The following TEKT5 variants were observed in gnomAD, a reference collection of about 807,000 sequenced individuals.
The protein encoded by TEKT5 is tektin-5.
TEKT5 carries 52 observed loss-of-function variants against 48.7 expected under a neutral mutation model. That is an observed-to-expected ratio of 1.07 (90% CI 0.86 to 1.35). The LOEUF (loss-of-function observed/expected upper bound fraction) is 1.35, where lower values mean the gene tolerates loss of function less well. Ranked by LOEUF, TEKT5 falls within the 40% of genes most tolerant of loss-of-function variation. The probability of loss-of-function intolerance (pLI) is 0.00; values close to 1 mark genes in which losing one functional copy is unlikely to be tolerated. For synonymous variants in TEKT5, 318 were observed against 267.6 expected (o/e 1.19, Z -1.84); for missense variants, 831 against 641.6 (o/e 1.30, Z -3.19).
At chr16:10,645,227 G>C (rs1228510485) in intron 5 of TEKT5, among the ~76,000 whole-genome samples, 6 of 152,268 alleles carry the variant, frequency 3.9e-5, no homozygotes, top group Admixed American at 3.9e-4. Context: ...ATGATTTGTA[G>C]GTCAGGCACA....
intron 5 of TEKT5, among the ~76,000 whole-genome samples, chr16:10,636,667 G>A (rs1362095946): frequency 4.8e-5 from 7 of 146,562 alleles, no homozygotes; most frequent in African/African-American, 1.8e-4. Flanking sequence ...CTTCATCTGG[G>A]TTTTTTCATA....
At chr16:10,647,646 C>T (rs1051020195) in intron 5 of TEKT5, among the ~76,000 whole-genome samples, 2 of 130,322 alleles carry the variant, frequency 1.5e-5, no homozygotes, top group Non-Finnish European at 3.4e-5. Context: ...TTTCTTTGTT[C>T]ACTTTCTCCA....
At chr16:10,680,037 G>T (rs1326787300) in intron 4 of TEKT5, among the ~76,000 whole-genome samples, 3 of 152,240 alleles carry the variant, frequency 2.0e-5, no homozygotes, top group Non-Finnish European at 4.4e-5. Flanking sequence ...TAAGGAGCAG[G>T]TCCCTCCTGG....
chr16:10,653,741 C>T (rs192994977), intron 5 of TEKT5, among the ~76,000 whole-genome samples: 3 of 152,106 alleles, frequency 2.0e-5, no homozygotes, highest in Non-Finnish European at 4.4e-5. Context: ...GGTGAAACCC[C>T]GTCTCTACTA....
chr16:10,627,911 C>T (rs1897778444), intron 6 of TEKT5, 112 bp from the exon 7 acceptor site: 4 of 963,738 alleles, frequency 4.2e-6, no homozygotes, highest in Admixed American at 2.3e-5. Flanking sequence ...GGCACAATCT[C>T]GGCTCACTGC....
intron 5 of TEKT5, among the ~76,000 whole-genome samples, chr16:10,657,247 T>C (rs1369929161): frequency 1.3e-5 from 2 of 151,918 alleles, no homozygotes; most frequent in East Asian, 3.9e-4. Flanking sequence ...TGCCTCAGCC[T>C]TCTGAGTAGC....
In TEKT5 at chr16:10,691,676, C is replaced by T. The variant is rs1202498786; in HGVS notation, c.565-1651G>A. Among the ~76,000 whole-genome samples, 5 of 152,180 alleles carry T rather than the reference C, an allele frequency of 3.3e-5. No individual in the cohort carries two copies. The East Asian group carries it at 9.7e-4, about 29-fold the overall frequency. ...ATGTTAATTTCTGGGGGACCAGACA[C>T]GGTGGCTCACGCCTGTAATCCCAGC... On this transcript the variant is annotated intron_variant, in intron 1 of 6. Transcript: ENST00000283025.
intron 6 of TEKT5, among the ~76,000 whole-genome samples, chr16:10,632,809 A>C (rs1453959374): frequency 6.6e-6 from 1 of 151,708 alleles, no homozygotes; most frequent in Non-Finnish European, 1.5e-5. Flanking sequence ...GAATCCTATC[A>C]TCTGCTCAAT....
chr16:10,691,718 G>T (rs945225143), intron 1 of TEKT5, among the ~76,000 whole-genome samples: 2 of 152,170 alleles, frequency 1.3e-5, no homozygotes, highest in African/African-American at 2.4e-5. Context: ...GGAGGCTGAG[G>T]TGGGCGGATC....
rs1897771272 is a variant in TEKT5 at position 10,627,634 on chromosome 16, C to T, written c.1407G>A (p.Met469Ile). The part of the protein sequence containing the change: ...NTLCIDKEKC[M>I]GMRKTFPCTP... Reference sequence around the variant, plus strand: ...TGCAGGGGAAGGTCTTACGCATGCCCATGCACTTCTCCTTGTCGATGCAGA... The same window carrying T: ...TGCAGGGGAAGGTCTTACGCATGCCTATGCACTTCTCCTTGTCGATGCAGA... Residue 469 changes from methionine (M) to isoleucine (I), a missense_variant, in exon 7 of 7, where the codon ATG (methionine) becomes ATA (isoleucine). Coordinates refer to ENST00000283025, the MANE Select transcript of TEKT5 (RefSeq NM_144674.2). 1.2e-6 allele frequency: 2 copies of T among 1,614,092 alleles called. No homozygotes were observed. Among genetic ancestry groups the T allele is most frequent in the South Asian group, 2.2e-5 (2 of 91,088 alleles).
Position 10,643,476 on chromosome 16 carries a change from C to T in TEKT5, c.1087-7558G>A, listed in dbSNP as rs530976274. 2.0e-5 allele frequency among the ~76,000 whole-genome samples: 3 copies of T among 152,304 alleles called. No individual in the cohort carries two copies. The East Asian group carries it at 5.8e-4, about 29-fold the overall frequency. On this transcript the variant is annotated intron_variant, in intron 5 of 6. Transcript: ENST00000283025. ...TACACTGTGTTTTAAAACAATGAGG[C>T]CAGCTCTTCACATACTATTCATGCT... is the stretch of plus-strand genomic sequence containing the variant.
At chr16:10,678,384 A>G (rs548553124) in intron 4 of TEKT5, among the ~76,000 whole-genome samples, 1 of 152,308 alleles carries the variant, frequency 6.6e-6, no homozygotes, top group South Asian at 2.1e-4. Context: ...GGTCTGAGCC[A>G]CCGCACCCGG....
At chr16:10,641,850 G>A (rs1019875116) in intron 5 of TEKT5, among the ~76,000 whole-genome samples, 2 of 152,166 alleles carry the variant, frequency 1.3e-5, no homozygotes, top group African/African-American at 4.8e-5. Flanking sequence ...GAAAGGAGGA[G>A]AAAGGGATCC....
At chr16:10,662,660 A>G (rs1440570469) in intron 5 of TEKT5, among the ~76,000 whole-genome samples, 1 of 152,078 alleles carries the variant, frequency 6.6e-6, no homozygotes. Flanking sequence ...TTCTTTACCC[A>G]TGACTATCTT....
At chr16:10,654,213 G>C (rs186339407) in intron 5 of TEKT5, among the ~76,000 whole-genome samples, 93 of 152,222 alleles carry the variant, frequency 6.1e-4, no homozygotes, top group Non-Finnish European at 1.1e-3. Context: ...ACCACATCCA[G>C]CTAATTTTTG....
intron 5 of TEKT5, among the ~76,000 whole-genome samples, chr16:10,667,592 C>T (rs140982504): frequency 2.1e-3 from 313 of 152,326 alleles, no homozygotes; most frequent in Non-Finnish European, 3.2e-3. Flanking sequence ...GCCCAATTCA[C>T]GAATCATTCT....
chr16:10,690,242 C>G (rs1385620750), intron 1 of TEKT5: 1 of 562,050 alleles, frequency 1.8e-6, no homozygotes, highest in East Asian at 2.9e-5. Flanking sequence ...TCCGGAGATG[C>G]AAGGCCCATG....
chr16:10,688,871 G>T (rs1898912643), intron 3 of TEKT5, among the ~76,000 whole-genome samples: 2 of 152,202 alleles, frequency 1.3e-5, no homozygotes, highest in African/African-American at 4.8e-5. Context: ...CATCTCCCAA[G>T]GTTCAGAACT....
chr16:10,655,478 TA>T (rs1287325014), intron 5 of TEKT5, among the ~76,000 whole-genome samples: 2 of 152,204 alleles, frequency 1.3e-5, no homozygotes, highest in Non-Finnish European at 1.5e-5. Flanking sequence ...GAGGGTTATG[TA>T]AGATTATGTA....
Sources: gnomAD v4.1 joint callset for allele counts (sites outside exome capture counted in the v4.1 genomes callset) on GRCh38, gnomAD v4.1.1 for gene constraint, MANE v1.5 for transcripts, NCBI Gene and HGNC (gene_info 2026-07-23, HGNC 2026-07-21) for gene names.